PCDHA10: variants seen among roughly 807,000 people sequenced by gnomAD.
The protein encoded by PCDHA10 is protocadherin alpha-10.
PCDHA10 carries 45 observed loss-of-function variants against 61.2 expected under a neutral mutation model. The ratio of observed to expected loss-of-function variants is 0.74; its 90% confidence interval spans 0.58 to 0.94. The LOEUF (loss-of-function observed/expected upper bound fraction) is 0.94. Among genes scored for constraint, PCDHA10 ranks in the 40% least tolerant of loss-of-function variants. PCDHA10 has a pLI of 0.00. For missense variants in PCDHA10, 1,278 were observed against 1,236.2 expected (o/e 1.03, Z -0.51); for synonymous variants, 602 against 548.8 (o/e 1.10, Z -1.35).
chr5:140,947,772 G>A (rs77655739), intron 1 of PCDHA10, among the ~76,000 whole-genome samples: 3,551 of 151,528 alleles, frequency 0.023, 49 homozygotes, highest in Middle Eastern at 0.034. Flanking sequence ...AAATTCTATT[G>A]TAAATGGATT....
At chr5:140,950,860 G>A (rs529625926) in intron 1 of PCDHA10, among the ~76,000 whole-genome samples, 25 of 151,860 alleles carry the variant, frequency 1.6e-4, no homozygotes, top group African/African-American at 5.8e-4. Context: ...TCATATTCTT[G>A]TATATTCTAT....
intron 1 of PCDHA10, among the ~76,000 whole-genome samples, chr5:140,873,597 T>C (rs2054375206): frequency 6.6e-6 from 1 of 152,354 alleles, no homozygotes; most frequent in Middle Eastern, 3.4e-3. Context: ...TAAACTTAGA[T>C]GTTCCTATTG....
chr5:140,933,739 G>A (rs531821370), intron 1 of PCDHA10, among the ~76,000 whole-genome samples: 18 of 151,856 alleles, frequency 1.2e-4, no homozygotes, highest in Admixed American at 3.9e-4. Flanking sequence ...TTAAATATTT[G>A]GTAGAATTCA....
At chr5:140,876,334 A>G (rs782377581) in intron 1 of PCDHA10, 3 of 1,613,912 alleles carry the variant, frequency 1.9e-6, no homozygotes, top group African/African-American at 1.3e-5. Flanking sequence ...TTTGCCAGTG[A>G]GTGAGAAATG....
At chr5:140,918,046 G>A (rs1159911161) in intron 1 of PCDHA10, among the ~76,000 whole-genome samples, 2 of 152,006 alleles carry the variant, frequency 1.3e-5, no homozygotes, top group African/African-American at 4.8e-5. Flanking sequence ...CTTTCCATTT[G>A]TTTTATCATC....
intron 1 of PCDHA10, among the ~76,000 whole-genome samples, chr5:140,918,360 G>A (rs1243919537): frequency 1.3e-5 from 2 of 152,082 alleles, no homozygotes; most frequent in African/African-American, 4.8e-5. Flanking sequence ...CTTCCTCTCT[G>A]CCTATTTGGA....
intron 1 of PCDHA10, among the ~76,000 whole-genome samples, chr5:140,919,099 C>T (rs972213897): frequency 4.6e-5 from 7 of 152,126 alleles, no homozygotes; most frequent in Non-Finnish European, 7.4e-5. Context: ...CTATTTCTCC[C>T]TTCATTTCTG....
rs782208845 is a variant in PCDHA10, at chr5:140,857,288, C to A, written c.1240C>A (p.Arg414Ser). 4 of 1,598,652 alleles carry A rather than the reference C, an allele frequency of 2.5e-6. No individual in the cohort carries two copies. The highest frequency in any genetic ancestry group is 4.5e-5 in the East Asian group (2 of 44,844). ...YSLVLDSALD[R>S]ERVSAYELVV... is the part of the protein sequence containing the mutation. The stretch of plus-strand genomic sequence containing the variant: ...ATTGGTGCTGGACAGCGCTCTGGAC[C>A]GCGAGAGGGTGTCGGCCTATGAGCT... Residue 414 changes from arginine (R) to serine (S), a missense_variant, in exon 1 of 4, where the codon CGC (arginine) becomes AGC (serine). Arg to Ser is a moderately radical substitution (Grantham distance 110, BLOSUM62 -1). Coordinates refer to ENST00000307360, the MANE Select transcript of PCDHA10 (RefSeq NM_018901.4).
intron 1 of PCDHA10, among the ~76,000 whole-genome samples, chr5:140,906,837 A>C (rs543572104): frequency 2.0e-4 from 31 of 152,292 alleles, no homozygotes; most frequent in African/African-American, 7.5e-4. Flanking sequence ...GACTGATTTC[A>C]TCTTGAGAGT....
chr5:140,877,652 C>G (rs1456022709), intron 1 of PCDHA10: 1 of 1,613,520 alleles, frequency 6.2e-7, no homozygotes, highest in Non-Finnish European at 8.5e-7. Context: ...TCAGCGCCGC[C>G]CACCGTGAGC....
chr5:140,946,765 T>C (rs1255265012), intron 1 of PCDHA10, among the ~76,000 whole-genome samples: 2 of 151,428 alleles, frequency 1.3e-5, no homozygotes, highest in African/African-American at 4.9e-5. Flanking sequence ...ATCTCATTCA[T>C]GTGGAATGTA....
chr5:140,995,206 G>A (rs1179914547), intron 3 of PCDHA10, among the ~76,000 whole-genome samples: 2 of 151,988 alleles, frequency 1.3e-5, no homozygotes, highest in African/African-American at 2.4e-5. Context: ...TATAAATTAG[G>A]CACAATACTC....
At chr5:140,927,204 G>C (rs1554204171) in intron 1 of PCDHA10, 1 of 1,614,112 alleles carries the variant, frequency 6.2e-7, no homozygotes, top group Middle Eastern at 1.6e-4. Flanking sequence ...TCGAGGACCC[G>C]CTGGAGCTGC....
rs782568790 is a variant in PCDHA10 at position 140,856,315 on chromosome 5, T to C, written c.267T>C (p.Ile89=). The change falls in exon 1 of 4, where the codon ATT becomes ATC. Residue 89 remains isoleucine, a synonymous_variant. Transcript: ENST00000307360. The part of the protein sequence containing the change: ...QNGILFVNSR[I]DREELCGRSV... ...GCATTTTGTTTGTGAATTCTCGGAT[T>C]GACCGCGAGGAGCTGTGCGGGCGGA... 131 of 1,598,516 alleles carry C rather than the reference T, an allele frequency of 8.2e-5. 15 individuals are homozygous for C. The highest frequency in any genetic ancestry group is 1.9e-4 in the Admixed American group (11 of 59,298).
In PCDHA10 at chr5:141,010,166, A is replaced by G; in HGVS notation, c.*229A>G. 1 of 1,562,828 alleles carries G rather than the reference A, an allele frequency of 6.4e-7. No homozygotes were observed. The highest frequency in any genetic ancestry group is 8.7e-7 in the Non-Finnish European group (1 of 1,152,678). ...TCTCTCCACTCTGGCTTGTTTTCAG[A>G]ACCTAAAAAGCAGACCCAAGTTTCC... On this transcript the variant is annotated 3_prime_UTR_variant, in exon 4 of 4. Transcript: ENST00000307360.
At chr5:140,870,164 T>A in intron 1 of PCDHA10, 1 of 1,614,174 alleles carries the variant, frequency 6.2e-7, no homozygotes, top group African/African-American at 1.3e-5. Context: ...GTGACTTCCT[T>A]GTCCCTCCCA....
At chr5:140,958,406 G>A (rs576536874) in intron 1 of PCDHA10, among the ~76,000 whole-genome samples, 2 of 152,204 alleles carry the variant, frequency 1.3e-5, no homozygotes, top group African/African-American at 4.8e-5. Context: ...CATTATCACT[G>A]ATGCTTGGAA....
chr5:140,937,069 G>A (rs1385358225), intron 1 of PCDHA10, among the ~76,000 whole-genome samples: 3 of 138,378 alleles, frequency 2.2e-5, no homozygotes, highest in South Asian at 2.2e-4. Context: ...ACGGAGTCTC[G>A]CTCTGTCGCC....
chr5:140,975,707 A>G (rs1445809800), intron 1 of PCDHA10, among the ~76,000 whole-genome samples: 1 of 152,204 alleles, frequency 6.6e-6, no homozygotes, highest in East Asian at 1.9e-4. Context: ...ATTTTACTTT[A>G]AATCTTAGAA....
Sources: gnomAD v4.1 joint callset for allele counts (sites outside exome capture counted in the v4.1 genomes callset) on GRCh38, gnomAD v4.1.1 for gene constraint, MANE v1.5 for transcripts, NCBI Gene and HGNC (gene_info 2026-07-23, HGNC 2026-07-21) for gene names.